LDLRAD4: variants seen among roughly 807,000 people sequenced by gnomAD.
LDLRAD4 encodes low-density lipoprotein receptor class A domain-containing protein 4.
A neutral mutation model predicts 17.0 loss-of-function variants in LDLRAD4; 5 were observed. That is an observed-to-expected ratio of 0.29 (90% CI 0.15 to 0.62). The LOEUF (loss-of-function observed/expected upper bound fraction) is 0.62. Ranked by LOEUF, LDLRAD4 falls within the 20% of genes least tolerant of loss-of-function variation. The pLI, the probability that LDLRAD4 is intolerant of heterozygous loss-of-function variation, is 0.84. For synonymous variants in LDLRAD4, 168 were observed against 171.8 expected (o/e 0.98, Z 0.17); for missense variants, 340 against 424.7 (o/e 0.80, Z 1.75).
chr18:13,445,552 A>C (rs945162031), intron 3 of LDLRAD4, among the ~76,000 whole-genome samples: 1 of 88,072 alleles, frequency 1.1e-5, no homozygotes, highest in Non-Finnish European at 3.7e-5. Flanking sequence ...GTACATGTCT[A>C]TGTGTGTGTT....
intron 1 of LDLRAD4, among the ~76,000 whole-genome samples, chr18:13,224,540 C>T (rs1398296463): frequency 6.6e-5 from 8 of 122,106 alleles, no homozygotes; most frequent in South Asian, 2.7e-4. Context: ...AGTTCAGTGG[C>T]GCAATCTCGG....
chr18:13,572,430 A>G lies in LDLRAD4; in HGVS notation c.182-48687A>G, dbSNP rs575363374. Among the ~76,000 whole-genome samples, 312 of 152,324 alleles carry G rather than the reference A, an allele frequency of 2.0e-3. 1 individual carries two copies. The highest frequency in any genetic ancestry group is 7.0e-3 in the African/African-American group (293 of 41,564). On this transcript the variant is annotated intron_variant, in intron 3 of 5. Transcript: ENST00000359446. The stretch of plus-strand genomic sequence containing the variant: ...GCTTACAGCCTGGGCTGGGAGTGGA[A>G]GGAGGCTCTGGTTTAGCAGATAAAG...
At chr18:13,570,273 C>G (rs1446113394) in intron 3 of LDLRAD4, among the ~76,000 whole-genome samples, 1 of 152,192 alleles carries the variant, frequency 6.6e-6, no homozygotes, top group Non-Finnish European at 1.5e-5. Flanking sequence ...GCAGGTCAGC[C>G]CTTCTGTGGG....
At chr18:13,251,761 T>C (rs750881174) in intron 1 of LDLRAD4, among the ~76,000 whole-genome samples, 1 of 152,254 alleles carries the variant, frequency 6.6e-6, no homozygotes, top group Non-Finnish European at 1.5e-5. Flanking sequence ...AGAAGTACTG[T>C]ATGGTTCAGA....
At chr18:13,477,355 C>A (rs1364494708) in intron 3 of LDLRAD4, among the ~76,000 whole-genome samples, 1 of 152,174 alleles carries the variant, frequency 6.6e-6, no homozygotes, top group Non-Finnish European at 1.5e-5. Flanking sequence ...GAGAAAGCAT[C>A]CAGCAGCAGG....
chr18:13,371,040 C>T (rs907924557), intron 1 of LDLRAD4, among the ~76,000 whole-genome samples: 1 of 152,172 alleles, frequency 6.6e-6, no homozygotes, highest in Admixed American at 6.5e-5. Flanking sequence ...TACCTTTTCT[C>T]ACCGGAAAAC....
intron 3 of LDLRAD4, among the ~76,000 whole-genome samples, chr18:13,532,646 G>T (rs2094145586): frequency 6.6e-6 from 1 of 152,224 alleles, no homozygotes; most frequent in African/African-American, 2.4e-5. Flanking sequence ...CCAGCCTTTT[G>T]ATGCTCATCA....
At chr18:13,361,022 G>A (rs2083631931) in intron 1 of LDLRAD4, among the ~76,000 whole-genome samples, 3 of 152,216 alleles carry the variant, frequency 2.0e-5, no homozygotes, top group East Asian at 1.9e-4. Flanking sequence ...GGTATTGCAT[G>A]TGCATTGTGA....
At chr18:13,495,663 A>G (rs1437009188) in intron 3 of LDLRAD4, among the ~76,000 whole-genome samples, 1 of 152,118 alleles carries the variant, frequency 6.6e-6, no homozygotes, top group African/African-American at 2.4e-5. Flanking sequence ...AGTGGTGAAG[A>G]TGGCTCAGGA....
chr18:13,533,863 G>A (rs1438835969), intron 3 of LDLRAD4, among the ~76,000 whole-genome samples: 1 of 152,162 alleles, frequency 6.6e-6, no homozygotes, highest in Non-Finnish European at 1.5e-5. Flanking sequence ...GGACCGGGGA[G>A]ACTTGCCCAG....
intron 5 of LDLRAD4, 25 bp downstream of exon 6, chr18:13,643,437 C>T (rs1383096997): frequency 5.6e-6 from 1 of 179,268 alleles, no homozygotes; most frequent in Non-Finnish European, 8.9e-6. Flanking sequence ...GAGGTGATGG[C>T]TGCGGGGGGC....
At chr18:13,304,533 AC>A (rs1383793359) in intron 1 of LDLRAD4, among the ~76,000 whole-genome samples, 4 of 152,106 alleles carry the variant, frequency 2.6e-5, no homozygotes, top group African/African-American at 7.2e-5. Context: ...GGGGCAGGCC[AC>A]CTGGAAGCTG....
chr18:13,257,570 C>T (rs552318082), intron 1 of LDLRAD4, among the ~76,000 whole-genome samples: 44 of 152,286 alleles, frequency 2.9e-4, no homozygotes, highest in Middle Eastern at 3.4e-3. Flanking sequence ...CTTCAGAGTC[C>T]GGCCTGCAGC....
rs556537202 is a variant in LDLRAD4, at chr18:13,422,415, G to A, written c.41-15829G>A. On this transcript the variant is annotated intron_variant, in intron 2 of 5. Transcript: ENST00000359446. ...ATATATGCTTGTTAAAAACCAGTAA[G>A]GCCAGGTGCAGTTGCTCATGCCTAT... Among the ~76,000 whole-genome samples the A allele has an allele frequency of 7.2e-5, 11 of 152,294 alleles. No homozygotes were observed. The East Asian group carries it at 9.6e-4, about 13-fold the overall frequency.
chr18:13,256,705 C>G (rs1365325066), intron 1 of LDLRAD4, among the ~76,000 whole-genome samples: 3 of 152,158 alleles, frequency 2.0e-5, no homozygotes, highest in Admixed American at 6.5e-5. Flanking sequence ...CATAGAGAGC[C>G]CTTTGAAAAC....
intron 1 of LDLRAD4, among the ~76,000 whole-genome samples, chr18:13,254,202 T>A (rs2043379459): frequency 6.6e-6 from 1 of 152,192 alleles, no homozygotes; most frequent in Admixed American, 6.5e-5. Flanking sequence ...AGAGCCTGTC[T>A]GGGTGGAGGG....
intron 1 of LDLRAD4, among the ~76,000 whole-genome samples, chr18:13,266,376 C>G (rs1428693803): frequency 6.6e-6 from 1 of 152,178 alleles, no homozygotes; most frequent in East Asian, 1.9e-4. Flanking sequence ...TGGTACCTCG[C>G]ACTGGGTCCG....
rs117632119 is a variant in LDLRAD4 at position 13,581,965 on chromosome 18, G to A, written c.182-39152G>A. On this transcript the variant is annotated intron_variant, in intron 3 of 5. Coordinates refer to ENST00000359446, the Ensembl canonical transcript of LDLRAD4. Reference sequence around the variant, plus strand: ...CTGCAGCATTTGACGGTCCACCCCCGCCCATCCGTTACAAACATGCATGTA... The same window carrying A: ...CTGCAGCATTTGACGGTCCACCCCCACCCATCCGTTACAAACATGCATGTA... Among the ~76,000 whole-genome samples the A allele has an allele frequency of 0.019, 2,965 of 152,118 alleles. 245 individuals are homozygous for A. In the East Asian group the frequency reaches 0.24, roughly 12 times the overall value.
intron 3 of LDLRAD4, among the ~76,000 whole-genome samples, chr18:13,476,194 G>A (rs1361210483): frequency 5.3e-5 from 8 of 152,220 alleles, no homozygotes; most frequent in Non-Finnish European, 1.2e-4. Context: ...AGGTGGCAAA[G>A]TCACGTTCAG....
Sources: allele counts gnomAD v4.1 joint callset (sites outside exome capture counted in the v4.1 genomes callset), GRCh38; gene constraint gnomAD v4.1.1; transcripts MANE v1.5; gene names NCBI Gene and HGNC (gene_info 2026-07-23, HGNC 2026-07-21).